The following RAPGEFL1 variants were observed in gnomAD, a reference collection of about 807,000 sequenced individuals.
The protein encoded by RAPGEFL1 is Rap guanine nucleotide exchange factor like 1.
Under a neutral mutation model 64.4 loss-of-function variants are expected in RAPGEFL1, and 31 were observed. The observed-to-expected ratio is 0.48, with a 90% CI of 0.36 to 0.65. RAPGEFL1 has a LOEUF of 0.65. Among genes scored for constraint, RAPGEFL1 ranks in the 30% least tolerant of loss-of-function variants. RAPGEFL1 has a pLI of 0.00. For missense variants in RAPGEFL1, 682 were observed against 677.4 expected, an observed-to-expected ratio of 1.01 and a Z score of -0.08; for synonymous variants, 331 against 274.1, an observed-to-expected ratio of 1.21 and a Z score of -2.05.
intron 4 of RAPGEFL1, among the ~76,000 whole-genome samples, chr17:40,187,605 C>G (rs917678116): frequency 6.6e-6 from 1 of 151,868 alleles, no homozygotes; most frequent in Non-Finnish European, 1.5e-5. Flanking sequence ...ATGCCCTCCT[C>G]CCACCATGTT....
At position 40,182,135 on chromosome 17, in the gene RAPGEFL1, C is replaced by T. The variant is rs538084904; in HGVS notation, c.599+441C>T. 4.6e-5 allele frequency among the ~76,000 whole-genome samples: 7 copies of T among 152,160 alleles called. No homozygotes were observed. The South Asian group carries it at 1.5e-3, about 32-fold the overall frequency. On this transcript the variant is annotated intron_variant, in intron 2 of 14. Transcript: ENST00000620260. ...GGGTTTCAGTCCCAGCTTTTCTACT[C>T]ATCAGCTGTGTGACTTGTACAGATT...
intron 5 of RAPGEFL1, 84 bp from the exon 6 acceptor site, chr17:40,189,124 G>A (rs1990175163): frequency 6.7e-7 from 1 of 1,498,086 alleles, no homozygotes; most frequent in Non-Finnish European, 9.3e-7. Flanking sequence ...GCCTCTGGTG[G>A]GGAATAGAGG....
rs1453491550 is a variant in RAPGEFL1 at position 40,191,646 on chromosome 17, G to C, written c.1579G>C (p.Val527Leu). ...GGTCATGGGGCTGGACAACGCCGCT[G>C]TCAGCCGCCTTCGACTCACCTGGGA... is the stretch of plus-strand genomic sequence containing the variant. ...AVVMGLDNAA[V>L]SRLRLTWEKL... Residue 527 changes from valine to leucine, a missense_variant, in exon 10 of 15, where the codon GTC becomes CTC. Around this residue, in one of 2 missense-constraint regions of RAPGEFL1, gnomAD observed 411 missense variants for 519.4 expected, o/e 0.79. Coordinates refer to ENST00000620260, the MANE Select transcript of RAPGEFL1 (RefSeq NM_016339.6). This position sits in a 1 kb window ranked among gnomAD's most constrained non-coding sequence, Gnocchi z 5.1. 1.2e-6 allele frequency: 2 copies of C among 1,612,980 alleles called. No individual in the cohort carries two copies. The highest frequency in any genetic ancestry group is 2.2e-5 in the South Asian group (2 of 90,688).
chr17:40,187,897 G>A (rs1446565272), intron 4 of RAPGEFL1, among the ~76,000 whole-genome samples: 1 of 147,920 alleles, frequency 6.8e-6, no homozygotes, highest in East Asian at 2.0e-4. Flanking sequence ...ACAGGCGTGA[G>A]CCACCGCGCC....
intron 6 of RAPGEFL1, 54 bp from the exon 7 acceptor site, chr17:40,190,379 AT>A: frequency 6.8e-7 from 1 of 1,474,012 alleles, no homozygotes. Context: ...TCAGTGTGGG[AT>A]GTGTGAGGGT....
rs938934006 is a variant in RAPGEFL1 at position 40,178,191 on chromosome 17, G to GC, written c.333dup (p.Gly112ArgfsTer18). ...GGCTGCAGCTGGAGGAGGTGCCGGGGCCCGGGCCTCTCGGGGGAGGGGGGC... is the reference window on the plus strand; with the variant it reads ...GGCTGCAGCTGGAGGAGGTGCCGGGGCCCCGGGCCTCTCGGGGGAGGGGGGC... On this transcript the variant is annotated frameshift_variant, in exon 1 of 15. Coordinates refer to ENST00000620260, the MANE Select transcript of RAPGEFL1 (RefSeq NM_016339.6). LOFTEE classifies it high-confidence loss of function. The GC allele has an allele frequency of 3.5e-5, 19 of 549,558 alleles. No individual in the cohort carries two copies. Among genetic ancestry groups the GC allele is most frequent in the Non-Finnish European group, 5.8e-5 (18 of 308,048 alleles). 34.0% of individuals were successfully genotyped at this position (549,558 alleles called of 1,614,324 possible). A position where few individuals can be genotyped will look rare whatever the true frequency, so the allele number is the denominator to read the frequency against.
intron 3 of RAPGEFL1, 68 bp downstream of exon 3, chr17:40,184,417 GC>G (rs1989997730): frequency 4.0e-5 from 56 of 1,392,162 alleles, no homozygotes; most frequent in Non-Finnish European, 5.5e-5. Context: ...CTGTGAAGGA[GC>G]CATACTTCTC....
rs766606203 is a variant in RAPGEFL1, at chr17:40,190,687, C to A, written c.1260C>A (p.Ile420=). 6.2e-7 allele frequency: 1 copy of A among 1,614,182 alleles called. No individual in the cohort carries two copies. Among genetic ancestry groups the A allele is most frequent in the Admixed American group, 1.7e-5 (1 of 60,028 alleles). Residue 420 remains isoleucine, a synonymous_variant, in exon 8 of 15, where the codon ATC becomes ATA. Transcript: ENST00000620260. ...EIQVSPGDTE[I]HRVEPEDVAN... ...AGGTCTCCCCTGGAGACACAGAGATCCACCGAGTGGAGCCTGAGGACGTTG... is the reference window on the plus strand; with the variant it reads ...AGGTCTCCCCTGGAGACACAGAGATACACCGAGTGGAGCCTGAGGACGTTG...
chr17:40,191,192 A>G lies in RAPGEFL1; in HGVS notation c.1336-124A>G, dbSNP rs932464158. The G allele has an allele frequency of 1.5e-5, 13 of 857,186 alleles. No homozygotes were observed. Among genetic ancestry groups the G allele is most frequent in the Non-Finnish European group, 2.2e-5 (13 of 583,188 alleles). 53.1% of individuals were successfully genotyped at this position (857,186 alleles called of 1,614,324 possible). A position where few individuals can be genotyped will look rare whatever the true frequency, so the allele number is the denominator to read the frequency against. ...CGCCTCCTGTCCTTTCTATTTTTCT[A>G]TTTTCCACCCCTTCCGCCCCCGCCC... On this transcript the variant is annotated intron_variant, in intron 8 of 14. Transcript: ENST00000620260. This position sits in a 1 kb window ranked among gnomAD's most constrained non-coding sequence, Gnocchi z 5.1.
intron 4 of RAPGEFL1, among the ~76,000 whole-genome samples, chr17:40,186,091 T>C (rs1990062537): frequency 1.3e-5 from 2 of 148,412 alleles, no homozygotes; most frequent in South Asian, 4.3e-4. Context: ...CTGACCAACA[T>C]GGTGAAACCC....
chr17:40,190,644 C>T lies in RAPGEFL1; in HGVS notation c.1217C>T (p.Pro406Leu). The change falls in exon 8 of 15, where the codon CCC becomes CTC. Residue 406 changes from proline to leucine, a missense_variant. Pro to Leu is a moderately conservative substitution (Grantham distance 98). Around this residue, in one of 2 missense-constraint regions of RAPGEFL1, gnomAD observed 411 missense variants for 519.4 expected, o/e 0.79. Transcript: ENST00000620260. ...TATGCCCCTGCCTGCCACCAGGTGC[C>T]CCTCCCCGAGGAGATCCAGGTCTCC... Reference protein sequence around the residue: ...CTRDSYEALVPLPEEIQVSPG... With the variant: ...CTRDSYEALVLLPEEIQVSPG... The T allele has an allele frequency of 6.2e-7, 1 of 1,614,058 alleles. No homozygotes were observed. The highest frequency in any genetic ancestry group is 2.2e-5 in the East Asian group (1 of 44,874).
intron 4 of RAPGEFL1, among the ~76,000 whole-genome samples, chr17:40,185,703 G>A (rs1990044435): frequency 6.8e-6 from 1 of 148,024 alleles, no homozygotes; most frequent in Non-Finnish European, 1.5e-5. Flanking sequence ...AGAATTGCTT[G>A]AATCCAGGAG....
rs1990239208 is a variant in RAPGEFL1, at chr17:40,190,882, C to T, written c.1335+120C>T. On this transcript the variant is annotated intron_variant, in intron 8 of 14. Coordinates refer to ENST00000620260, the MANE Select transcript of RAPGEFL1 (RefSeq NM_016339.6). ...TCACTTGCAGCAAGCCCTTGGGCAACGCATGGCCGTAACCTTTGTTCCCCC... is the reference window on the plus strand; with the variant it reads ...TCACTTGCAGCAAGCCCTTGGGCAATGCATGGCCGTAACCTTTGTTCCCCC... 2.8e-6 allele frequency: 4 copies of T among 1,449,664 alleles called. No homozygotes were observed. In the African/African-American group the frequency reaches 4.2e-5, roughly 15 times the overall value. The allele number at this position is 1,449,664 out of a possible 1,614,324, so 89.8% of individuals were successfully genotyped here.
At chr17:40,181,530 T>C (rs2145202762) in intron 1 of RAPGEFL1, 86 bp from the exon 2 acceptor site, 1 of 690,158 alleles carries the variant, frequency 1.4e-6, no homozygotes, top group South Asian at 1.5e-5. Context: ...AACTTGCCCT[T>C]AGGGGCAAGA....
At position 40,192,096 on chromosome 17, in the gene RAPGEFL1, C is replaced by T. The variant is rs77667770; in HGVS notation, c.1606-117C>T. 5,728 of 913,250 alleles carry T rather than the reference C, an allele frequency of 6.3e-3. 208 individuals carry two copies. In the African/African-American group the frequency reaches 0.081, roughly 13 times the overall value. The allele number at this position is 913,250 out of a possible 1,614,324, so 56.6% of individuals were successfully genotyped here. ...ATTTCCCCACCCACCAGCTTCCCAGCCCCCTACAAGCCATGCAGGCCCTTT... is the reference window on the plus strand; with the variant it reads ...ATTTCCCCACCCACCAGCTTCCCAGTCCCCTACAAGCCATGCAGGCCCTTT... On this transcript the variant is annotated intron_variant, in intron 10 of 14. Transcript: ENST00000620260.
chr17:40,191,686 T>G lies in RAPGEFL1; in HGVS notation c.1605+14T>G. 1 of 1,603,624 alleles carries G rather than the reference T, an allele frequency of 6.2e-7. No individual in the cohort carries two copies. Among genetic ancestry groups the G allele is most frequent in the Non-Finnish European group, 8.5e-7 (1 of 1,175,290 alleles). ...CTCACCTGGGAGGTGATGAGACCCCTCCCGTTCCTACCTGGGAATCTGGGC... is the reference window on the plus strand; with the variant it reads ...CTCACCTGGGAGGTGATGAGACCCCGCCCGTTCCTACCTGGGAATCTGGGC... On this transcript the variant is annotated intron_variant, in intron 10 of 14. Coordinates refer to ENST00000620260, the MANE Select transcript of RAPGEFL1 (RefSeq NM_016339.6). The surrounding 1 kb of genome is among the most constrained non-coding windows in gnomAD (Gnocchi z 5.1).
chr17:40,187,147 G>C (rs1439226509), intron 4 of RAPGEFL1, among the ~76,000 whole-genome samples: 1 of 151,942 alleles, frequency 6.6e-6, no homozygotes, highest in African/African-American at 2.4e-5. Context: ...TATATATGGA[G>C]ATATATTTGT....
chr17:40,183,345 T>G (rs1220324075), intron 2 of RAPGEFL1, among the ~76,000 whole-genome samples: 1 of 151,990 alleles, frequency 6.6e-6, no homozygotes, highest in Non-Finnish European at 1.5e-5. Context: ...CTGTCTAACC[T>G]GCAGGAGCTG....
In RAPGEFL1 at chr17:40,193,815, A is replaced by G. The variant is rs775865982; in HGVS notation, c.*27A>G. The G allele has an allele frequency of 6.2e-7, 1 of 1,613,538 alleles. No homozygotes were observed. The highest frequency in any genetic ancestry group is 2.2e-5 in the East Asian group (1 of 44,852). On this transcript the variant is annotated 3_prime_UTR_variant, in exon 15 of 15. Transcript: ENST00000620260. ...AGTGGAGGCTCCAGTCAGACCCGCC[A>G]GATCCTTGGGCACCTGGCACTCAAG...
Sources: gnomAD v4.1 joint callset for allele counts (sites outside exome capture counted in the v4.1 genomes callset) on GRCh38, gnomAD v4.1.1 for gene constraint, gnomAD v4.1.1 regional missense constraint, Gnocchi (gnomAD v3.1) non-coding constraint, MANE v1.5 for transcripts, NCBI Gene and HGNC (gene_info 2026-07-23, HGNC 2026-07-21) for gene names.